EMID1: variants seen among roughly 807,000 people sequenced by gnomAD.
EMID1 encodes the protein EMI domain containing 1.
In EMID1, 40 loss-of-function variants were observed where a neutral mutation model predicts 60.6. The ratio of observed to expected loss-of-function variants is 0.66; its 90% CI spans 0.51 to 0.86. The LOEUF is 0.86. Ranked by LOEUF, EMID1 falls within the 40% of genes least tolerant of loss-of-function variation. The pLI is 0.00. For synonymous variants in EMID1, 242 were observed against 231.0 expected, an observed-to-expected ratio of 1.05 and a Z score of -0.43; for missense variants, 585 against 597.1, an observed-to-expected ratio of 0.98 and a Z score of 0.21.
At chr22:29,222,556 G>A (rs1164095659) in intron 3 of EMID1, among the ~76,000 whole-genome samples, 2 of 151,634 alleles carry the variant, frequency 1.3e-5, no homozygotes, top group Non-Finnish European at 2.9e-5. Context: ...GGCACGCATC[G>A]CCACCCCCAG....
chr22:29,226,610 C>T, intron 5 of EMID1, 59 bp downstream of exon 5: 1 of 1,539,396 alleles, frequency 6.5e-7, no homozygotes, highest in Non-Finnish European at 8.8e-7. Flanking sequence ...TCCAGGCAAC[C>T]ACCATCCCAC....
chr22:29,212,245 C>T (rs1307585203), intron 1 of EMID1, among the ~76,000 whole-genome samples: 1 of 152,100 alleles, frequency 6.6e-6, no homozygotes, highest in Non-Finnish European at 1.5e-5. Flanking sequence ...CCTTGGCCTG[C>T]CAACGTGCTG....
At chr22:29,209,267 C>T (rs2039794202) in intron 1 of EMID1, among the ~76,000 whole-genome samples, 1 of 152,134 alleles carries the variant, frequency 6.6e-6, no homozygotes, top group Non-Finnish European at 1.5e-5. Context: ...CCAGGCTGAG[C>T]TGGTCTGGCC....
At chr22:29,249,270 T>C (rs1318287400) in intron 13 of EMID1, among the ~76,000 whole-genome samples, 1 of 151,990 alleles carries the variant, frequency 6.6e-6, no homozygotes, top group Non-Finnish European at 1.5e-5. Flanking sequence ...GGAGTCTCTG[T>C]CACCGAGGCT....
chr22:29,206,194 C>A, intron 1 of EMID1, 55 bp downstream of exon 1: 1 of 1,177,310 alleles, frequency 8.5e-7, no homozygotes, highest in Non-Finnish European at 1.1e-6. Context: ...GGCGCGCACA[C>A]GCCCCCACCT....
intron 3 of EMID1, among the ~76,000 whole-genome samples, chr22:29,216,836 G>A (rs977647383): frequency 8.5e-5 from 13 of 152,238 alleles, no homozygotes; most frequent in Non-Finnish European, 1.3e-4. Flanking sequence ...CAGTGAAGCC[G>A]GGAAGAAACC....
At chr22:29,253,311 G>A (rs766081172) in intron 13 of EMID1, among the ~76,000 whole-genome samples, 3 of 152,158 alleles carry the variant, frequency 2.0e-5, no homozygotes, top group Non-Finnish European at 4.4e-5. Flanking sequence ...GGCTGGGCGC[G>A]GTGGCTTACG....
At chr22:29,248,619 G>A (rs1022610927) in intron 13 of EMID1, among the ~76,000 whole-genome samples, 6 of 152,144 alleles carry the variant, frequency 3.9e-5, no homozygotes, top group Admixed American at 1.3e-4. Context: ...CAAGGCAGGA[G>A]GATCACTTGA....
intron 1 of EMID1, among the ~76,000 whole-genome samples, chr22:29,208,097 A>G (rs1031690019): frequency 1.3e-5 from 2 of 152,132 alleles, no homozygotes; most frequent in Non-Finnish European, 2.9e-5. Flanking sequence ...ATCATGTCAC[A>G]TGGGGGTAGG....
intron 12 of EMID1, among the ~76,000 whole-genome samples, chr22:29,236,049 T>G (rs2040938239): frequency 6.6e-6 from 1 of 152,156 alleles, no homozygotes; most frequent in South Asian, 2.1e-4. Context: ...TTTTGGTCCA[T>G]TCTAACAATC....
chr22:29,234,714 G>A (rs2040879587), intron 12 of EMID1, among the ~76,000 whole-genome samples: 1 of 152,120 alleles, frequency 6.6e-6, no homozygotes, highest in Non-Finnish European at 1.5e-5. Flanking sequence ...TTCACATTTA[G>A]TATTTTAATG....
At chr22:29,243,855 G>A (rs927087188) in intron 13 of EMID1, among the ~76,000 whole-genome samples, 1 of 152,216 alleles carries the variant, frequency 6.6e-6, no homozygotes, top group Admixed American at 6.5e-5. Context: ...TCCCAGCCAA[G>A]GCTTAGCTTG....
Position 29,225,999 on chromosome 22 carries a change from C to T in EMID1, c.404-491C>T, listed in dbSNP as rs148021714. On this transcript the variant is annotated intron_variant, in intron 4 of 14. Coordinates refer to ENST00000334018, the MANE Select transcript of EMID1 (RefSeq NM_133455.4). ...ACTGCGCTGGGTGGGTCCCCAAAGC[C>T]GGCAAGCCCTGGCCCCAGCCCTGCC... 7.3e-3 allele frequency among the ~76,000 whole-genome samples: 1,118 copies of T among 152,218 alleles called. 17 individuals carry two copies. The highest frequency in any genetic ancestry group is 0.024 in the African/African-American group (1,002 of 41,534).
intron 13 of EMID1, chr22:29,253,845 C>T (rs565972157): frequency 4.3e-6 from 4 of 933,920 alleles, no homozygotes; most frequent in South Asian, 4.9e-5. Context: ...TGGTGCTGGG[C>T]GACAGACATT....
chr22:29,231,371 G>A (rs1238509305), intron 6 of EMID1: 10 of 825,918 alleles, frequency 1.2e-5, no homozygotes, highest in Non-Finnish European at 1.8e-5. Context: ...TGGAGGTCGG[G>A]GGGAGCTGGG....
chr22:29,236,483 G>A (rs2040952333), intron 12 of EMID1, among the ~76,000 whole-genome samples: 1 of 152,084 alleles, frequency 6.6e-6, no homozygotes, highest in Non-Finnish European at 1.5e-5. Flanking sequence ...CTGAGGTCAG[G>A]AGTTTGAGAC....
At chr22:29,215,757 A>G in intron 3 of EMID1, 127 bp downstream of exon 3, 1 of 735,318 alleles carries the variant, frequency 1.4e-6, no homozygotes, top group Non-Finnish European at 2.3e-6. Flanking sequence ...CCAGCTGCAC[A>G]GAGCCTGGCT....
At chr22:29,238,719 A>ATT (rs71196644) in intron 12 of EMID1, among the ~76,000 whole-genome samples, 1 of 117,596 alleles carries the variant, frequency 8.5e-6, no homozygotes, top group Non-Finnish European at 1.7e-5. Flanking sequence ...GTGCCCGGCC[A>ATT]TTTTTTTTTT....
Position 29,232,067 on chromosome 22 carries a change from C to T in EMID1, c.677-189C>T, listed in dbSNP as rs368075817. 21 of 635,080 alleles carry T rather than the reference C, an allele frequency of 3.3e-5. 1 individual carries two copies. Among genetic ancestry groups the T allele is most frequent in the African/African-American group, 9.2e-5 (5 of 54,224 alleles). 39.3% of individuals were successfully genotyped at this position (635,080 alleles called of 1,614,324 possible). ...TTGGGAGCCCCAAGGAAGGAAGACT[C>T]AGCCTGGACGAGGTGGAGAACTAGG... On this transcript the variant is annotated intron_variant, in intron 7 of 14. Coordinates refer to ENST00000334018, the MANE Select transcript of EMID1 (RefSeq NM_133455.4).
Sources: gnomAD v4.1 joint callset for allele counts (sites outside exome capture counted in the v4.1 genomes callset) on GRCh38, gnomAD v4.1.1 for gene constraint, MANE v1.5 for transcripts, NCBI Gene and HGNC (gene_info 2026-07-23, HGNC 2026-07-21) for gene names.